MAGI2: variants seen among roughly 807,000 people sequenced by gnomAD.
MAGI2 encodes the protein membrane-associated guanylate kinase, WW and PDZ domain-containing protein 2.
Under a neutral mutation model 133.3 loss-of-function variants are expected in MAGI2, and 35 were observed. The observed-to-expected ratio is 0.26, with a 90% CI of 0.20 to 0.35. The LOEUF (loss-of-function observed/expected upper bound fraction) is 0.35. Among genes scored for constraint, MAGI2 ranks in the 10% least tolerant of loss-of-function variants. MAGI2 has a pLI of 1.00. For synonymous variants in MAGI2, 729 were observed against 710.6 expected, an observed-to-expected ratio of 1.03 and a Z score of -0.41; for missense variants, 1,636 against 1,863.4, an observed-to-expected ratio of 0.88 and a Z score of 2.25.
chr7:79,137,018 T>A (rs2364343), intron 1 of MAGI2, among the ~76,000 whole-genome samples: 12,017 of 151,678 alleles, frequency 0.079, 1,053 homozygotes, highest in African/African-American at 0.21. Flanking sequence ...GGAGTTTGAG[T>A]TTTGCTCTTG....
intron 10 of MAGI2, among the ~76,000 whole-genome samples, chr7:78,243,274 CT>C (rs1448352659): frequency 4.1e-5 from 1 of 24,316 alleles, no homozygotes; most frequent in South Asian, 1.0e-3. Flanking sequence ...CACACACTCT[CT>C]CTCTCTCTCT....
intron 2 of MAGI2, among the ~76,000 whole-genome samples, chr7:78,682,241 A>G (rs1409583840): frequency 1.3e-5 from 2 of 152,090 alleles, no homozygotes; most frequent in Non-Finnish European, 2.9e-5. Context: ...TCCCCTTGTA[A>G]ATAGAATTTT....
At chr7:78,273,071 G>A (rs1375552169) in intron 9 of MAGI2, among the ~76,000 whole-genome samples, 1 of 152,212 alleles carries the variant, frequency 6.6e-6, no homozygotes, top group Non-Finnish European at 1.5e-5. Context: ...TTTTGCAGTG[G>A]CTGCTACCAG....
intron 6 of MAGI2, among the ~76,000 whole-genome samples, chr7:78,403,811 T>C (rs1456468120): frequency 2.0e-5 from 3 of 152,036 alleles, no homozygotes; most frequent in Non-Finnish European, 4.4e-5. Flanking sequence ...TTGAGAAGTG[T>C]CTGGTCAATC....
chr7:78,404,514 A>G (rs1415668045), intron 6 of MAGI2, among the ~76,000 whole-genome samples: 1 of 152,130 alleles, frequency 6.6e-6, no homozygotes, highest in Non-Finnish European at 1.5e-5. Context: ...AAATAATACC[A>G]CATATCTACA....
At chr7:78,822,185 A>G (rs1203479924) in intron 2 of MAGI2, among the ~76,000 whole-genome samples, 2 of 152,094 alleles carry the variant, frequency 1.3e-5, no homozygotes, top group African/African-American at 4.8e-5. Flanking sequence ...AGTTATAATC[A>G]GAACAAAGTT....
intron 9 of MAGI2, among the ~76,000 whole-genome samples, chr7:78,260,953 A>G (rs1258027139): frequency 6.6e-6 from 1 of 152,158 alleles, no homozygotes; most frequent in South Asian, 2.1e-4. Context: ...GGCACTCTAC[A>G]TAAAGCATTG....
intron 2 of MAGI2, among the ~76,000 whole-genome samples, chr7:78,739,868 T>G (rs769682748): frequency 2.8e-4 from 43 of 152,048 alleles, no homozygotes; most frequent in Admixed American, 3.9e-4. Context: ...TAAGCGTGTA[T>G]GATAACCTGG....
chr7:78,729,971 AG>A (rs1821209108), intron 2 of MAGI2, among the ~76,000 whole-genome samples: 1 of 152,202 alleles, frequency 6.6e-6, no homozygotes, highest in African/African-American at 2.4e-5. Context: ...GGCCCACTAA[AG>A]TAATGACACC....
At chr7:78,640,977 G>A (rs1182463998) in intron 2 of MAGI2, among the ~76,000 whole-genome samples, 1 of 152,120 alleles carries the variant, frequency 6.6e-6, no homozygotes, top group Non-Finnish European at 1.5e-5. Context: ...CACAAGGGCA[G>A]TTTCCCCCAT....
At chr7:78,663,584 C>G (rs1044689568) in intron 2 of MAGI2, among the ~76,000 whole-genome samples, 2 of 152,070 alleles carry the variant, frequency 1.3e-5, no homozygotes, top group Non-Finnish European at 2.9e-5. Context: ...ACTGAGATGA[C>G]CACAAACTAT....
chr7:78,637,782 G>A lies in MAGI2; in HGVS notation c.419-10543C>T, dbSNP rs376003546. Among the ~76,000 whole-genome samples, 16 of 152,228 alleles carry A rather than the reference G, an allele frequency of 1.1e-4. No individual in the cohort carries two copies. In the East Asian group the frequency reaches 2.5e-3, roughly 24 times the overall value. On this transcript the variant is annotated intron_variant, in intron 2 of 21. Transcript: ENST00000354212. The stretch of plus-strand genomic sequence containing the variant: ...TGGTGTAAACACTAGAGTAAATGAG[G>A]GGTAGATGTGAGAAATATCATTTAA...
At chr7:78,239,117 T>C (rs1052063361) in intron 10 of MAGI2, among the ~76,000 whole-genome samples, 4 of 152,262 alleles carry the variant, frequency 2.6e-5, no homozygotes, top group Admixed American at 2.0e-4. Context: ...GGCCACTCTT[T>C]CTAAAGGAGA....
intron 4 of MAGI2, among the ~76,000 whole-genome samples, chr7:78,509,074 T>C (rs1230207023): frequency 6.6e-6 from 1 of 152,144 alleles, no homozygotes; most frequent in Non-Finnish European, 1.5e-5. Context: ...CTGACATTTT[T>C]TGTGCATTCC....
intron 2 of MAGI2, among the ~76,000 whole-genome samples, chr7:78,714,036 CAAAAGAGCACAGT>C (rs1819467057): frequency 1.5e-5 from 2 of 131,406 alleles, no homozygotes; most frequent in Admixed American, 1.9e-4. Context: ...CCCATGTTTT[CAAAAGAGCACAGT>C]TGTGTGATAT....
chr7:78,873,164 A>G (rs779468352), intron 2 of MAGI2, among the ~76,000 whole-genome samples: 2 of 152,176 alleles, frequency 1.3e-5, no homozygotes, highest in African/African-American at 4.8e-5. Flanking sequence ...TTTTAAGAAA[A>G]GCTGCTAAAT....
At chr7:78,952,619 G>T (rs1458768048) in intron 2 of MAGI2, among the ~76,000 whole-genome samples, 1 of 149,630 alleles carries the variant, frequency 6.7e-6, no homozygotes, top group East Asian at 2.0e-4. Context: ...ATATTCATTT[G>T]TTGCTAATTT....
At chr7:78,819,584 C>T (rs938805197) in intron 2 of MAGI2, among the ~76,000 whole-genome samples, 4 of 151,798 alleles carry the variant, frequency 2.6e-5, no homozygotes, top group South Asian at 4.1e-4. Flanking sequence ...TGTATGTGTA[C>T]GTGTGTGTCT....
In MAGI2 at chr7:78,487,297, GAA is replaced by G. The variant is rs560630430; in HGVS notation, c.1045+2462_1045+2463del. ...GCAATTTTTATCCTCCCCTCAAGTG[GAA>G]CAACATGTGGTCCTGGAGGCATGGG... is the stretch of plus-strand genomic sequence containing the variant. On this transcript the variant is annotated intron_variant, in intron 6 of 21. Transcript: ENST00000354212. The G allele has an allele frequency of 3.1e-3, 599 of 194,142 alleles. 3 individuals are homozygous for G. Among genetic ancestry groups the G allele is most frequent in the Non-Finnish European group, 4.6e-3 (440 of 95,156 alleles). The allele number at this position is 194,142 out of a possible 1,614,324, so 12.0% of individuals were successfully genotyped here.
Sources: gnomAD v4.1 joint callset for allele counts (sites outside exome capture counted in the v4.1 genomes callset) on GRCh38, gnomAD v4.1.1 for gene constraint, MANE v1.5 for transcripts, NCBI Gene and HGNC (gene_info 2026-07-23, HGNC 2026-07-21) for gene names.